Variants in KAZN observed in about 807,000 individuals in gnomAD.
KAZN encodes the protein kazrin, periplakin interacting protein.
Under a neutral mutation model 87.4 loss-of-function variants are expected in KAZN, and 40 were observed. The ratio of observed to expected loss-of-function variants is 0.46; its 90% CI spans 0.36 to 0.60. The LOEUF (loss-of-function observed/expected upper bound fraction) is 0.60. Ranked by LOEUF, KAZN falls within the 20% of genes least tolerant of loss-of-function variation. KAZN has a pLI of 0.00. For synonymous variants in KAZN, 466 were observed against 458.3 expected (o/e 1.02, Z -0.22); for missense variants, 898 against 1,073.9 (o/e 0.84, Z 2.29).
At chr1:13,929,172 A>T (rs1421199310) in intron 1 of KAZN, among the ~76,000 whole-genome samples, 1 of 150,070 alleles carries the variant, frequency 6.7e-6, no homozygotes, top group African/African-American at 2.5e-5. Context: ...TTTCCACCTC[A>T]GCCTCCCAAG....
chr1:14,541,886 A>G (rs1393137389), intron 2 of KAZN, among the ~76,000 whole-genome samples: 1 of 152,144 alleles, frequency 6.6e-6, no homozygotes, highest in Non-Finnish European at 1.5e-5. Context: ...GTTTCATCTG[A>G]TGATCGGGAG....
chr1:14,549,467 C>T (rs971328212), intron 2 of KAZN, among the ~76,000 whole-genome samples: 1 of 152,276 alleles, frequency 6.6e-6, no homozygotes, highest in Non-Finnish European at 1.5e-5. Flanking sequence ...CCCCCCTTAT[C>T]CATACCTGTG....
intron 2 of KAZN, among the ~76,000 whole-genome samples, chr1:14,416,031 C>T (rs1250241579): frequency 6.6e-6 from 1 of 151,990 alleles, no homozygotes; most frequent in African/African-American, 2.4e-5. Context: ...GGGGCGGAGG[C>T]AAAAATGGGC....
chr1:14,536,232 G>T (rs984072551), intron 2 of KAZN, among the ~76,000 whole-genome samples: 1 of 152,196 alleles, frequency 6.6e-6, no homozygotes, highest in Admixed American at 6.5e-5. Flanking sequence ...TGGATTTGAG[G>T]TAATCCATAC....
intron 2 of KAZN, among the ~76,000 whole-genome samples, chr1:14,590,763 C>T (rs1676146154): frequency 6.6e-6 from 1 of 152,342 alleles, no homozygotes; most frequent in African/African-American, 2.4e-5. Flanking sequence ...GACACTCTTC[C>T]AGATGGTTTC....
chr1:14,278,777 A>T (rs1379324074), intron 2 of KAZN, among the ~76,000 whole-genome samples: 1 of 151,952 alleles, frequency 6.6e-6, no homozygotes, highest in African/African-American at 2.4e-5. Flanking sequence ...CCATTTATTT[A>T]TTGGAGAAAC....
intron 2 of KAZN, among the ~76,000 whole-genome samples, chr1:14,403,312 A>G (rs896726581): frequency 1.3e-5 from 2 of 152,208 alleles, no homozygotes; most frequent in African/African-American, 4.8e-5. Flanking sequence ...CTAGATGCAA[A>G]AAGAAAACTT....
intron 1 of KAZN, among the ~76,000 whole-genome samples, chr1:13,962,227 C>T (rs2101027109): frequency 6.6e-6 from 1 of 152,102 alleles, no homozygotes; most frequent in Admixed American, 6.5e-5. Context: ...AGTGAGGAGG[C>T]AGATGTGGCT....
intron 2 of KAZN, among the ~76,000 whole-genome samples, chr1:14,233,411 A>C (rs1181983139): frequency 2.0e-5 from 3 of 152,212 alleles, no homozygotes; most frequent in Non-Finnish European, 4.4e-5. Context: ...CTGGGATTGC[A>C]GGTGTGAGCC....
chr1:14,864,793 G>A lies in KAZN; in HGVS notation c.227-95891G>A, dbSNP rs112827510. On this transcript the variant is annotated intron_variant, in intron 1 of 14. Coordinates refer to ENST00000376030, the MANE Select transcript of KAZN (RefSeq NM_201628.3). ...CAGATTGCTGGGGGCCTGTATCAGC[G>A]GCACCACTTTCTGGCTATCACTTCC... 2.5e-3 allele frequency among the ~76,000 whole-genome samples: 383 copies of A among 152,136 alleles called. 2 individuals are homozygous for A. The highest frequency in any genetic ancestry group is 8.9e-3 in the African/African-American group (368 of 41,496).
rs1054029070 is a variant in KAZN, at chr1:14,773,203, G to A, written c.226+173980G>A. On this transcript the variant is annotated intron_variant, in intron 1 of 14. Coordinates refer to ENST00000376030, the MANE Select transcript of KAZN (RefSeq NM_201628.3). This position sits in a 1 kb window ranked among gnomAD's most constrained non-coding sequence, Gnocchi z 5.9. ...TGGAGCCTTTCACAATTATCTTCAG[G>A]ACAAAGACGGCCCCAACACTTCCGG... 8.5e-5 allele frequency among the ~76,000 whole-genome samples: 13 copies of A among 152,060 alleles called. No individual in the cohort carries two copies. The highest frequency in any genetic ancestry group is 2.4e-4 in the African/African-American group (10 of 41,408).
At chr1:14,335,645 C>G (rs1223039484) in intron 2 of KAZN, among the ~76,000 whole-genome samples, 1 of 152,098 alleles carries the variant, frequency 6.6e-6, no homozygotes, top group East Asian at 1.9e-4. Flanking sequence ...GTATGGCCTG[C>G]AAAACTGTGA....
intron 2 of KAZN, among the ~76,000 whole-genome samples, chr1:15,003,097 C>A (rs1299449971): frequency 1.3e-5 from 2 of 149,674 alleles, no homozygotes; most frequent in African/African-American, 4.9e-5. Context: ...ACGAAGGCAC[C>A]AAAGGCCCCA....
At chr1:14,738,795 CAGG>C (rs1438397770) in intron 1 of KAZN, among the ~76,000 whole-genome samples, 1 of 152,084 alleles carries the variant, frequency 6.6e-6, no homozygotes, top group Non-Finnish European at 1.5e-5. Context: ...TCACATTTTA[CAGG>C]ACAGGAAACT....
At chr1:14,172,597 G>T (rs117606941) in intron 1 of KAZN, among the ~76,000 whole-genome samples, 1 of 152,170 alleles carries the variant, frequency 6.6e-6, no homozygotes, top group Non-Finnish European at 1.5e-5. Flanking sequence ...AAAACTAAGC[G>T]ATGGAAATCA....
At chr1:14,661,512 T>A (rs2148715481) in intron 1 of KAZN, among the ~76,000 whole-genome samples, 1 of 152,250 alleles carries the variant, frequency 6.6e-6, no homozygotes, top group South Asian at 2.1e-4. Flanking sequence ...CTGTAGACAA[T>A]ATGTAAATGA....
At chr1:14,487,711 G>A (rs1168939593) in intron 2 of KAZN, among the ~76,000 whole-genome samples, 1 of 152,248 alleles carries the variant, frequency 6.6e-6, no homozygotes, top group Non-Finnish European at 1.5e-5. Context: ...GGTTGTCCAG[G>A]AGAGAGGATG....
chr1:14,214,625 AGAG>A (rs1443406131), intron 2 of KAZN, among the ~76,000 whole-genome samples: 4 of 152,200 alleles, frequency 2.6e-5, no homozygotes, highest in African/African-American at 9.7e-5. Context: ...AAGGGGAGAA[AGAG>A]GAGGAGGTGC....
intron 1 of KAZN, among the ~76,000 whole-genome samples, chr1:14,053,329 C>T (rs147920897): frequency 3.3e-5 from 5 of 152,224 alleles, no homozygotes; most frequent in East Asian, 1.9e-4. Flanking sequence ...TCAGAGGAGA[C>T]GACGAGATTG....
Sources: gnomAD v4.1 joint callset for allele counts (sites outside exome capture counted in the v4.1 genomes callset) on GRCh38, gnomAD v4.1.1 for gene constraint, Gnocchi (gnomAD v3.1) non-coding constraint, MANE v1.5 for transcripts, NCBI Gene and HGNC (gene_info 2026-07-23, HGNC 2026-07-21) for gene names.